CYP4F12: variants seen among roughly 807,000 people sequenced by gnomAD.
CYP4F12 encodes cytochrome P450 family 4 subfamily F member 12.
A neutral mutation model predicts 56.5 loss-of-function variants in CYP4F12; 60 were observed. The observed-to-expected ratio is 1.06, with a 90% CI of 0.86 to 1.32. CYP4F12 has a LOEUF of 1.32. Among genes scored for constraint, CYP4F12 ranks in the 40% most tolerant of loss-of-function variants. The pLI, the probability that CYP4F12 is intolerant of heterozygous loss-of-function variation, is 0.00. For synonymous variants in CYP4F12, 263 were observed against 264.9 expected, an observed-to-expected ratio of 0.99 and a Z score of 0.07; for missense variants, 711 against 683.5, an observed-to-expected ratio of 1.04 and a Z score of -0.45.
chr19:15,679,299 A>T (rs2007154683), intron 3 of CYP4F12, among the ~76,000 whole-genome samples: 1 of 152,260 alleles, frequency 6.6e-6, no homozygotes, highest in Admixed American at 6.5e-5. Flanking sequence ...GTCTTCAGGC[A>T]TGGCTGAATC....
Position 15,683,641 on chromosome 19 carries a change from T to C in CYP4F12, c.796T>C (p.Phe266Leu), listed in dbSNP as rs1285614927. 13 of 1,613,982 alleles carry C rather than the reference T, an allele frequency of 8.1e-6. No homozygotes were observed. The highest frequency in any genetic ancestry group is 1.1e-5 in the Non-Finnish European group (13 of 1,179,948). ...FHRACRLVHDFTDAVIRERRR... is the reference protein window; with the variant it reads ...FHRACRLVHDLTDAVIRERRR... The stretch of plus-strand genomic sequence containing the variant: ...CAGGGCCTGCCGCCTGGTGCATGAC[T>C]TCACAGACGCTGTCATCCGGGAGCG... Residue 266 changes from phenylalanine (F) to leucine (L), a missense_variant, in exon 7 of 13, where the codon TTC (phenylalanine) becomes CTC (leucine). Transcript: ENST00000550308.
intron 9 of CYP4F12, among the ~76,000 whole-genome samples, chr19:15,693,392 T>A (rs2007967565): frequency 6.6e-6 from 1 of 152,198 alleles, no homozygotes; most frequent in South Asian, 2.1e-4. Flanking sequence ...GCCTCTAGTG[T>A]TTTCTAAGTA....
rs8104419 is a variant in CYP4F12 at position 15,689,667 on chromosome 19, C to T, written c.1115+4470C>T. 2.6e-3 allele frequency among the ~76,000 whole-genome samples: 400 copies of T among 152,286 alleles called. 1 individual carries two copies. Among genetic ancestry groups the T allele is most frequent in the African/African-American group, 9.2e-3 (384 of 41,560 alleles). Reference sequence around the variant, plus strand: ...ACATGCACATGCATGCTTATAGTAGCACAATTCACAATTGTAAAGGTACGG... The same window carrying T: ...ACATGCACATGCATGCTTATAGTAGTACAATTCACAATTGTAAAGGTACGG... On this transcript the variant is annotated intron_variant, in intron 9 of 12. Coordinates refer to ENST00000550308, the MANE Select transcript of CYP4F12 (RefSeq NM_023944.4).
Position 15,697,078 on chromosome 19 carries a change from T to G in CYP4F12, c.1568T>G (p.Leu523Trp). Reference sequence around the variant, plus strand: ...CGGGTGGAGCCCCTGAATGTAAGCTTGCAGTGACTTTCTGACCCATCCACC... The same window carrying G: ...CGGGTGGAGCCCCTGAATGTAAGCTGGCAGTGACTTTCTGACCCATCCACC... ...WLRVEPLNVS[L>W]Q Residue 523 changes from leucine to tryptophan, a missense_variant, in exon 13 of 13, where the codon TTG (leucine) becomes TGG (tryptophan). Leu to Trp is a moderately conservative substitution (Grantham distance 61). Transcript: ENST00000550308. The G allele has an allele frequency of 6.2e-7, 1 of 1,612,518 alleles. No individual in the cohort carries two copies. Among genetic ancestry groups the G allele is most frequent in the Non-Finnish European group, 8.5e-7 (1 of 1,178,766 alleles).
chr19:15,681,638 A>G (rs1306105559), intron 5 of CYP4F12: 5 of 152,230 alleles, frequency 3.3e-5, no homozygotes, highest in Non-Finnish European at 7.3e-5. Flanking sequence ...AGTGGCAGAA[A>G]CAAGCCTGAT....
In CYP4F12 at chr19:15,685,086, G is replaced by A; in HGVS notation, c.1004G>A (p.Ser335Asn). ...FMFGGHDTTA[S>N]GLSWVLYNLA... ...TCCTCAGGCCATGACACCACGGCCA[G>A]TGGCCTCTCCTGGGTCCTGTACAAC... The change falls in exon 9 of 13, where the codon AGT (serine) becomes AAT (asparagine). Residue 335 changes from serine (S) to asparagine (N), a missense_variant. Transcript: ENST00000550308. 6 of 1,614,078 alleles carry A rather than the reference G, an allele frequency of 3.7e-6. No individual in the cohort carries two copies. Among genetic ancestry groups the A allele is most frequent in the Non-Finnish European group, 4.2e-6 (5 of 1,179,976 alleles).
intron 9 of CYP4F12, among the ~76,000 whole-genome samples, chr19:15,693,977 T>G (rs1279757902): frequency 2.6e-5 from 4 of 151,036 alleles, no homozygotes; most frequent in Non-Finnish European, 4.4e-5. Context: ...TTTCTCAGGT[T>G]TGTCAAAGAT....
intron 6 of CYP4F12, among the ~76,000 whole-genome samples, chr19:15,683,071 A>G (rs958986920): frequency 1.4e-5 from 2 of 147,390 alleles, no homozygotes. Context: ...AGAGAGAGGG[A>G]GAGAGAGAGA....
At chr19:15,681,293 T>G (rs2007285830) in intron 5 of CYP4F12, 1 of 152,334 alleles carries the variant, frequency 6.6e-6, no homozygotes, top group African/African-American at 2.4e-5. Flanking sequence ...TGGGAGTTGC[T>G]GAAAAATTAC....
At chr19:15,688,566 T>C (rs543938529) in intron 9 of CYP4F12, among the ~76,000 whole-genome samples, 240 of 152,268 alleles carry the variant, frequency 1.6e-3, no homozygotes, top group African/African-American at 5.6e-3. Context: ...GCAATGCCTA[T>C]GAAAATACCT....
At chr19:15,679,709 T>C (rs1326752347) in intron 3 of CYP4F12, among the ~76,000 whole-genome samples, 1 of 152,212 alleles carries the variant, frequency 6.6e-6, no homozygotes, top group African/African-American at 2.4e-5. Context: ...CTCTTTGGAA[T>C]TGTCAGAGTT....
chr19:15,673,605 G>A lies in CYP4F12; in HGVS notation c.76G>A (p.Val26Met), dbSNP rs781493354. 6.3e-5 allele frequency: 101 copies of A among 1,613,898 alleles called. No individual in the cohort carries two copies. The highest frequency in any genetic ancestry group is 1.0e-4 in the Admixed American group (6 of 60,010). ...TSPWLLLLLV[V>M]GSWLLARILA... is the part of the protein sequence containing the mutation. ...CCCATGGCTACTCCTGCTGCTGGTT[G>A]TGGGCTCCTGGCTACTCGCCCGCAT... Residue 26 changes from valine (V) to methionine (M), a missense_variant, in exon 2 of 13, where the codon GTG becomes ATG. By Grantham distance (21) the Val-to-Met change is conservative. Coordinates refer to ENST00000550308, the MANE Select transcript of CYP4F12 (RefSeq NM_023944.4).
chr19:15,677,185 AC>A (rs2006996167), intron 2 of CYP4F12, among the ~76,000 whole-genome samples: 1 of 118,480 alleles, frequency 8.4e-6, no homozygotes, highest in Non-Finnish European at 1.8e-5. Flanking sequence ...TAATTCCAAT[AC>A]CAACTCACTC....
At chr19:15,684,500 T>C (rs1029598962) in intron 7 of CYP4F12, 1 of 315,216 alleles carries the variant, frequency 3.2e-6, no homozygotes, top group Non-Finnish European at 5.7e-6. Flanking sequence ...TCAAATATCC[T>C]GTACCCCAGG....
chr19:15,677,905 C>G (rs539610301), intron 2 of CYP4F12, among the ~76,000 whole-genome samples: 1 of 134,444 alleles, frequency 7.4e-6, no homozygotes, highest in South Asian at 2.6e-4. Flanking sequence ...CTCACTCATT[C>G]CTCTACCCAT....
rs1402183089 is a variant in CYP4F12 at position 15,680,728 on chromosome 19, G to C, written c.525+209G>C. The C allele has an allele frequency of 4.7e-6, 3 of 638,776 alleles. No individual in the cohort carries two copies. In the Admixed American group the frequency reaches 7.9e-5, roughly 17 times the overall value. The allele number at this position is 638,776 out of a possible 1,614,324, so 39.6% of individuals were successfully genotyped here. On this transcript the variant is annotated intron_variant, in intron 5 of 12. Transcript: ENST00000550308. Reference sequence around the variant, plus strand: ...CACAGTAGGTTCTCAGAAGGTGTCAGTTTCTGTGTTTTTCTCACAGAATCC... The same window carrying C: ...CACAGTAGGTTCTCAGAAGGTGTCACTTTCTGTGTTTTTCTCACAGAATCC...
rs750931709 is a variant in CYP4F12, at chr19:15,684,922, C to T, written c.985+40C>T. ...GTGGGACTACAGTGGAGACAGAGGTCCCTCCATCTCAGGATCCGGGTGGGT... is the reference window on the plus strand; with the variant it reads ...GTGGGACTACAGTGGAGACAGAGGTTCCTCCATCTCAGGATCCGGGTGGGT... On this transcript the variant is annotated intron_variant, in intron 8 of 12. Transcript: ENST00000550308. 7.6e-6 allele frequency: 12 copies of T among 1,571,052 alleles called. No homozygotes were observed. The South Asian group carries it at 1.2e-4, about 16-fold the overall frequency.
intron 11 of CYP4F12, 81 bp downstream of exon 11, chr19:15,696,306 G>A: frequency 6.2e-7 from 1 of 1,611,308 alleles, no homozygotes; most frequent in Non-Finnish European, 8.5e-7. Context: ...GTTCCTAGTG[G>A]AGGGGGCAGG....
At chr19:15,674,138 T>C (rs1216351554) in intron 2 of CYP4F12, among the ~76,000 whole-genome samples, 1 of 21,564 alleles carries the variant, frequency 4.6e-5, no homozygotes, top group Non-Finnish European at 1.0e-4. Context: ...CACTCACTCA[T>C]TCCTCTCCTC....
Sources: allele counts gnomAD v4.1 joint callset (sites outside exome capture counted in the v4.1 genomes callset), GRCh38; gene constraint gnomAD v4.1.1; transcripts MANE v1.5; gene names NCBI Gene and HGNC (gene_info 2026-07-23, HGNC 2026-07-21).